Variants in NSD3 observed in about 807,000 individuals in gnomAD.
NSD3 encodes the protein nuclear receptor binding SET domain protein 3, also known as histone-lysine N-methyltransferase NSD3.
Under a neutral mutation model 160.8 loss-of-function variants are expected in NSD3, and 24 were observed. The ratio of observed to expected loss-of-function variants is 0.15; its 90% CI spans 0.11 to 0.21. NSD3 has a LOEUF of 0.21. NSD3 is among the 10% of genes least tolerant of loss of function. The pLI is 1.00. For synonymous variants in NSD3, 520 were observed against 600.0 expected (o/e 0.87, Z 1.95); for missense variants, 1,157 against 1,735.9 (o/e 0.67, Z 5.93).
chr8:38,350,759 A>G (rs1282161812), intron 1 of NSD3, among the ~76,000 whole-genome samples: 1 of 152,154 alleles, frequency 6.6e-6, no homozygotes, highest in Non-Finnish European at 1.5e-5. Flanking sequence ...TCATTGCATT[A>G]TAATCTTTCA....
Position 38,288,827 on chromosome 8 carries a change from A to G in NSD3, c.3232-71T>C. 3.2e-6 allele frequency: 5 copies of G among 1,568,076 alleles called. No homozygotes were observed. Among genetic ancestry groups the G allele is most frequent in the Non-Finnish European group, 4.3e-6 (5 of 1,153,154 alleles). On this transcript the variant is annotated intron_variant, in intron 18 of 23. Transcript: ENST00000317025. The surrounding 1 kb of genome is among the most constrained non-coding windows in gnomAD (Gnocchi z 4.5). ...TCTGGCAATGTGAACAGGAACATCTAAAACATCCACGCTACTGCCTCGTGG... is the reference window on the plus strand; with the variant it reads ...TCTGGCAATGTGAACAGGAACATCTGAAACATCCACGCTACTGCCTCGTGG...
intron 7 of NSD3, among the ~76,000 whole-genome samples, chr8:38,323,184 A>AC (rs1809831566): frequency 6.6e-6 from 1 of 151,978 alleles, no homozygotes; most frequent in South Asian, 2.1e-4. Context: ...CCTCCTGAGT[A>AC]GCTGGGATTA....
At chr8:38,350,483 T>C (rs1418805260) in intron 1 of NSD3, among the ~76,000 whole-genome samples, 2 of 152,242 alleles carry the variant, frequency 1.3e-5, no homozygotes, top group African/African-American at 4.8e-5. Context: ...ATAAATGTCT[T>C]CTTTTGAGAC....
intron 1 of NSD3, among the ~76,000 whole-genome samples, chr8:38,369,729 G>A (rs1359493724): frequency 6.6e-6 from 1 of 152,166 alleles, no homozygotes; most frequent in African/African-American, 2.4e-5. Flanking sequence ...AGTGGGGATA[G>A]GAACTCAGAT....
rs1441874303 is a variant in NSD3, at chr8:38,271,730, T to A, written c.*3911A>T. On this transcript the variant is annotated 3_prime_UTR_variant, in exon 24 of 24. Transcript: ENST00000317025. ...TGTGAAAAGTAACTTTAGTCTACGC[T>A]GCCCAGAAATAAAGCAACTTTCCAA... The A allele has an allele frequency of 1.3e-5, 2 of 152,234 alleles. No individual in the cohort carries two copies. Among genetic ancestry groups the A allele is most frequent in the Non-Finnish European group, 2.9e-5 (2 of 68,028 alleles). 9.4% of individuals were successfully genotyped at this position (152,234 alleles called of 1,614,324 possible).
At chr8:38,286,969 C>T (rs1808874976) in intron 19 of NSD3, among the ~76,000 whole-genome samples, 1 of 152,198 alleles carries the variant, frequency 6.6e-6, no homozygotes, top group African/African-American at 2.4e-5. Flanking sequence ...TTATTCACAG[C>T]AGTTAATGGC....
intron 19 of NSD3, among the ~76,000 whole-genome samples, chr8:38,286,730 C>T (rs1808867976): frequency 6.6e-6 from 1 of 152,212 alleles, no homozygotes; most frequent in South Asian, 2.1e-4. Flanking sequence ...CAGCTCCTCT[C>T]TTTCCTCTCC....
Position 38,317,619 on chromosome 8 carries a change from A to C in NSD3, c.1855+1276T>G. On this transcript the variant is annotated intron_variant, in intron 9 of 23. Transcript: ENST00000317025. The surrounding 1 kb of genome is among the most constrained non-coding windows in gnomAD (Gnocchi z 5.3). ...TGTATACAGTTTGGGCTGTTTGGCA[A>C]ACCCCTGCAGATGTGCATTAATGAT... The C allele has an allele frequency of 6.2e-6, 7 of 1,134,682 alleles. No homozygotes were observed. Among genetic ancestry groups the C allele is most frequent in the Non-Finnish European group, 7.6e-6 (7 of 921,840 alleles). 70.3% of individuals were successfully genotyped at this position (1,134,682 alleles called of 1,614,324 possible).
intron 4 of NSD3, among the ~76,000 whole-genome samples, chr8:38,331,827 TCAAAACAAAACAAAACAAAA>T (rs150155803): frequency 2.1e-4 from 32 of 152,198 alleles, no homozygotes; most frequent in Admixed American, 8.5e-4. Flanking sequence ...GACTCTTGTC[TCAAAACAAAACAAAACAAAA>T]CAAAACAAAA....
chr8:38,293,456 A>G (rs896085299), intron 16 of NSD3, among the ~76,000 whole-genome samples: 2 of 151,648 alleles, frequency 1.3e-5, no homozygotes, highest in African/African-American at 4.9e-5. Flanking sequence ...GGGCTGAGGC[A>G]GGACAATTGC....
At chr8:38,323,254 T>C (rs1278481725) in intron 7 of NSD3, among the ~76,000 whole-genome samples, 1 of 152,020 alleles carries the variant, frequency 6.6e-6, no homozygotes, top group East Asian at 1.9e-4. Context: ...AGACAGGGTT[T>C]CACCATGTTG....
At chr8:38,283,797 G>A (rs1030093800) in intron 19 of NSD3, among the ~76,000 whole-genome samples, 10 of 152,118 alleles carry the variant, frequency 6.6e-5, no homozygotes, top group African/African-American at 2.4e-4. Context: ...TATAAGCTAT[G>A]ATATGGAATT....
At chr8:38,310,488 T>A (rs189882278) in intron 12 of NSD3, among the ~76,000 whole-genome samples, 11 of 152,302 alleles carry the variant, frequency 7.2e-5, no homozygotes, top group African/African-American at 2.4e-4. Context: ...AATATGAATA[T>A]GACAGTACAA....
rs568367287 is a variant in NSD3 at position 38,376,636 on chromosome 8, CA to C, written c.-45+5162del. On this transcript the variant is annotated intron_variant, in intron 1 of 23. Coordinates refer to ENST00000317025, the MANE Select transcript of NSD3 (RefSeq NM_023034.2). ...ATTTTTAGTAGAGACGGGGTTTCAC[CA>C]TGTTGGCCAGGTTGGTCTTGAACTC... is the stretch of plus-strand genomic sequence containing the variant. Among the ~76,000 whole-genome samples, 40 of 152,200 alleles carry C rather than the reference CA, an allele frequency of 2.6e-4. No homozygotes were observed. In the South Asian group the frequency reaches 8.3e-3, roughly 32 times the overall value.
intron 7 of NSD3, among the ~76,000 whole-genome samples, chr8:38,324,405 AT>A (rs944158571): frequency 3.5e-4 from 53 of 151,732 alleles, no homozygotes; most frequent in African/African-American, 1.2e-3. Flanking sequence ...GTGAACAGTG[AT>A]TTTTTTTTAC....
rs184305618 is a variant in NSD3 at position 38,322,265 on chromosome 8, C to A, written c.1709-1093G>T. 2.6e-5 allele frequency among the ~76,000 whole-genome samples: 4 copies of A among 152,102 alleles called. No individual in the cohort carries two copies. In the East Asian group the frequency reaches 7.7e-4, roughly 29 times the overall value. ...ACTTTGTTTTGTTTTTGGGAAGGAG[C>A]GGGTAGTTTGATAACAATATATTGT... On this transcript the variant is annotated intron_variant, in intron 7 of 23. Transcript: ENST00000317025.
In NSD3 at chr8:38,305,327, A is replaced by G; in HGVS notation, c.2361T>C (p.Phe787=). ...GAGGACAGCGGAATCCTTTTGATTCAAAGATGGCAGTGGGGAATTTGCGGA... is the reference window on the plus strand; with the variant it reads ...GAGGACAGCGGAATCCTTTTGATTCGAAGATGGCAGTGGGGAATTTGCGGA... The part of the protein sequence containing the change: ...ACVRKFPTAI[F]ESKGFRCPQH... Residue 787 remains phenylalanine (F), a synonymous_variant, in exon 13 of 24, where the codon TTT becomes TTC. Coordinates refer to ENST00000317025, the MANE Select transcript of NSD3 (RefSeq NM_023034.2). 6.2e-7 allele frequency: 1 copy of G among 1,614,228 alleles called. No individual in the cohort carries two copies. Among genetic ancestry groups the G allele is most frequent in the Non-Finnish European group, 8.5e-7 (1 of 1,180,030 alleles).
intron 1 of NSD3, among the ~76,000 whole-genome samples, chr8:38,377,988 T>TA (rs1811435862): frequency 6.6e-6 from 1 of 152,096 alleles, no homozygotes; most frequent in East Asian, 1.9e-4. Context: ...CATTTGAAAA[T>TA]ATTTTAAGAG....
At chr8:38,331,910 TA>T (rs1810070832) in intron 4 of NSD3, among the ~76,000 whole-genome samples, 1 of 152,238 alleles carries the variant, frequency 6.6e-6, no homozygotes, top group Non-Finnish European at 1.5e-5. Flanking sequence ...CATAAAAATA[TA>T]ATTAATGATA....
Sources: allele counts gnomAD v4.1 joint callset (sites outside exome capture counted in the v4.1 genomes callset), GRCh38; gene constraint gnomAD v4.1.1; non-coding constraint Gnocchi (gnomAD v3.1); transcripts MANE v1.5; gene names NCBI Gene and HGNC (gene_info 2026-07-23, HGNC 2026-07-21).